ANO10: variants seen among roughly 807,000 people sequenced by gnomAD.
ANO10 encodes anoctamin 10.
In ANO10, 77 loss-of-function variants were observed where a neutral mutation model predicts 74.7. The observed-to-expected ratio is 1.03, with a 90% CI of 0.86 to 1.25. The LOEUF (loss-of-function observed/expected upper bound fraction) is 1.25, where lower values mean the gene tolerates loss of function less well. Ranked by LOEUF, ANO10 falls within the 50% of genes most tolerant of loss-of-function variation. ANO10 has a pLI of 0.00. For missense variants in ANO10, 721 were observed against 778.1 expected (o/e 0.93, Z 0.87); for synonymous variants, 279 against 284.9 (o/e 0.98, Z 0.21).
At chr3:43,658,607 T>C (rs1015225536) in intron 1 of ANO10, among the ~76,000 whole-genome samples, 11 of 152,066 alleles carry the variant, frequency 7.2e-5, no homozygotes, top group South Asian at 2.1e-4. Flanking sequence ...GTAGCTGGGA[T>C]TACAGTCACC....
At chr3:43,576,619 T>C in intron 6 of ANO10, 73 bp downstream of exon 6, 4 of 1,480,506 alleles carry the variant, frequency 2.7e-6, no homozygotes, top group East Asian at 2.3e-5. Context: ...AGGTAGCAGC[T>C]ATGTGAATCC....
intron 4 of ANO10, among the ~76,000 whole-genome samples, chr3:43,589,281 A>T: frequency 6.9e-6 from 1 of 145,124 alleles, no homozygotes; most frequent in Non-Finnish European, 1.6e-5. Flanking sequence ...ATTATACACA[A>T]AAACTTCTTA....
At chr3:43,537,611 CCACACACACACACACACACACACA>C (rs3223349) in intron 11 of ANO10, among the ~76,000 whole-genome samples, 8 of 139,958 alleles carry the variant, frequency 5.7e-5, no homozygotes, top group African/African-American at 2.1e-4. Context: ...ACTTTATAAA[CCACACACACACACACACACACACA>C]CACACACACA....
chr3:43,519,026 G>C (rs2077833192), intron 11 of ANO10, among the ~76,000 whole-genome samples: 1 of 152,082 alleles, frequency 6.6e-6, no homozygotes, highest in Non-Finnish European at 1.5e-5. Context: ...TGGTTTTGCG[G>C]CTCAGGGGGC....
intron 1 of ANO10, among the ~76,000 whole-genome samples, chr3:43,684,675 C>G (rs1181032891): frequency 6.6e-6 from 1 of 152,108 alleles, no homozygotes; most frequent in Non-Finnish European, 1.5e-5. Flanking sequence ...AGACTTGGAA[C>G]CAACCCAAAT....
At chr3:43,664,332 A>C (rs1219851748) in intron 1 of ANO10, among the ~76,000 whole-genome samples, 2 of 152,186 alleles carry the variant, frequency 1.3e-5, no homozygotes, top group South Asian at 2.1e-4. Flanking sequence ...AGCCATATGC[A>C]GAAAACTGAA....
rs1178091972 is a variant in ANO10 at position 43,614,786 on chromosome 3, T to TATATATATATATATA, written c.-12+7108_-12+7122dup. On this transcript the variant is annotated intron_variant, in intron 1 of 12. Coordinates refer to ENST00000292246, the MANE Select transcript of ANO10 (RefSeq NM_018075.5). ...GAAAACTAAACTATATATATATATA[T>TATATATATATATATA]ATATATATATATATATAGGTTCATT... Among the ~76,000 whole-genome samples, 13 of 130,102 alleles carry TATATATATATATATA rather than the reference T, an allele frequency of 1.0e-4. 1 individual carries two copies. The highest frequency in any genetic ancestry group is 3.6e-4 in the African/African-American group (13 of 36,312). The allele number at this position is 130,102 out of a possible 152,430, so 85.4% of individuals were successfully genotyped here.
At chr3:43,435,231 G>C (rs1345604810) in intron 11 of ANO10, among the ~76,000 whole-genome samples, 1 of 150,960 alleles carries the variant, frequency 6.6e-6, no homozygotes, top group East Asian at 2.0e-4. Context: ...AAAGTGGGCT[G>C]GGTGCAGTGG....
intron 10 of ANO10, among the ~76,000 whole-genome samples, chr3:43,552,775 T>C (rs2079546418): frequency 6.6e-6 from 1 of 150,534 alleles, no homozygotes; most frequent in Non-Finnish European, 1.5e-5. Context: ...TGTATATGTG[T>C]GTATTTTATA....
At chr3:43,417,624 C>T (rs899891702) in intron 12 of ANO10, among the ~76,000 whole-genome samples, 17 of 152,040 alleles carry the variant, frequency 1.1e-4, no homozygotes, top group African/African-American at 3.6e-4. Flanking sequence ...TGGTGCAAGA[C>T]GACGAACCCC....
chr3:43,433,502 T>C (rs893081402), intron 11 of ANO10, among the ~76,000 whole-genome samples: 1 of 152,164 alleles, frequency 6.6e-6, no homozygotes, highest in Non-Finnish European at 1.5e-5. Context: ...TAGCATTTGG[T>C]GCATTTTCTT....
At chr3:43,683,851 T>C (rs562547353) in intron 1 of ANO10, among the ~76,000 whole-genome samples, 1 of 152,108 alleles carries the variant, frequency 6.6e-6, no homozygotes, top group East Asian at 1.9e-4. Context: ...ATTTAAAAAA[T>C]GGTGCTGGGA....
At chr3:43,638,878 A>G (rs2083640507) in intron 1 of ANO10, 1 of 152,288 alleles carries the variant, frequency 6.6e-6, no homozygotes, top group Non-Finnish European at 1.5e-5. Context: ...GGAATGTGGG[A>G]GTGGCTTAGC....
intron 7 of ANO10, among the ~76,000 whole-genome samples, chr3:43,572,835 G>A (rs1393363614): frequency 6.6e-6 from 1 of 152,262 alleles, no homozygotes; most frequent in African/African-American, 2.4e-5. Flanking sequence ...TCTAGAAAGT[G>A]AGCAGTAAGA....
intron 11 of ANO10, among the ~76,000 whole-genome samples, chr3:43,482,131 TG>T (rs1389271789): frequency 6.6e-6 from 1 of 151,914 alleles, no homozygotes; most frequent in Non-Finnish European, 1.5e-5. Flanking sequence ...GGTTTCGCCG[TG>T]TTAGCCAGGA....
chr3:43,524,849 C>T (rs569318723), intron 11 of ANO10, among the ~76,000 whole-genome samples: 1 of 152,286 alleles, frequency 6.6e-6, no homozygotes, highest in South Asian at 2.1e-4. Flanking sequence ...TCCAACACAG[C>T]ACCAAGAACT....
intron 12 of ANO10, among the ~76,000 whole-genome samples, chr3:43,389,361 C>A (rs1002673898): frequency 2.0e-5 from 3 of 152,124 alleles, no homozygotes; most frequent in Admixed American, 2.0e-4. Flanking sequence ...ATCCTGCTAC[C>A]CTGAAAGACC....
chr3:43,661,363 T>G (rs947556459), intron 1 of ANO10, among the ~76,000 whole-genome samples: 9 of 152,146 alleles, frequency 5.9e-5, no homozygotes, highest in African/African-American at 1.9e-4. Context: ...GCTGAAAGAT[T>G]TTGTCATCAC....
chr3:43,505,967 T>C (rs2077279289), intron 11 of ANO10, among the ~76,000 whole-genome samples: 1 of 152,188 alleles, frequency 6.6e-6, no homozygotes. Flanking sequence ...AAGATGTAAA[T>C]TATTAAAGAA....
Sources: gnomAD v4.1 joint callset for allele counts (sites outside exome capture counted in the v4.1 genomes callset) on GRCh38, gnomAD v4.1.1 for gene constraint, MANE v1.5 for transcripts, NCBI Gene and HGNC (gene_info 2026-07-23, HGNC 2026-07-21) for gene names.